The following EIF3M variants were observed in gnomAD, a reference collection of about 807,000 sequenced individuals.
EIF3M encodes eukaryotic translation initiation factor 3 subunit M.
EIF3M carries 25 observed loss-of-function variants against 49.7 expected under a neutral mutation model. The observed-to-expected ratio is 0.50, with a 90% CI of 0.37 to 0.70. The LOEUF (loss-of-function observed/expected upper bound fraction) is 0.70, where lower values mean the gene tolerates loss of function less well. Ranked by LOEUF, EIF3M falls within the 30% of genes least tolerant of loss-of-function variation. The pLI is 0.00. For missense variants in EIF3M, 350 were observed against 440.0 expected, an observed-to-expected ratio of 0.80 and a Z score of 1.83; for synonymous variants, 156 against 149.8, an observed-to-expected ratio of 1.04 and a Z score of -0.30.
intron 2 of EIF3M, 132 bp from the exon 3 acceptor site, chr11:32,588,462 G>T (rs1404187308): frequency 7.4e-6 from 6 of 812,268 alleles, no homozygotes; most frequent in African/African-American, 1.8e-5. Flanking sequence ...AAATATACAA[G>T]TTGCTTTCTG....
intron 1 of EIF3M, among the ~76,000 whole-genome samples, chr11:32,585,594 GA>G (rs1854983220): frequency 6.6e-6 from 1 of 152,190 alleles, no homozygotes; most frequent in South Asian, 2.1e-4. Flanking sequence ...ATAGTTCTTA[GA>G]AAAAGTTTGC....
chr11:32,589,534 C>A lies in EIF3M; in HGVS notation c.439-13C>A. ...GTGTTACTCAGTTTTCTCCTTTTGT[C>A]AATCTCTTGTAGGTTAGAAAATGGA... On this transcript the variant is annotated splice_polypyrimidine_tract_variant and intron_variant, in intron 4 of 10. Transcript: ENST00000531120. 6.2e-7 allele frequency: 1 copy of A among 1,608,986 alleles called. No individual in the cohort carries two copies. Among genetic ancestry groups the A allele is most frequent in the South Asian group, 1.1e-5 (1 of 90,946 alleles).
Position 32,603,044 on chromosome 11 carries a change from C to A in EIF3M, c.*645C>A, listed in dbSNP as rs1590534338. The A allele has an allele frequency of 6.5e-7, 1 of 1,541,308 alleles. No homozygotes were observed. On this transcript the variant is annotated 3_prime_UTR_variant, in exon 11 of 11. Coordinates refer to ENST00000531120, the MANE Select transcript of EIF3M (RefSeq NM_006360.6). ...ACCTGGGAAAGATAAACTAATTTTA[C>A]CTTCGAAATTATTATACAAAAGATT...
chr11:32,591,933 TA>T (rs1472748730), intron 5 of EIF3M: 2 of 273,186 alleles, frequency 7.3e-6, no homozygotes, highest in African/African-American at 4.6e-5. Context: ...ACCACCACCG[TA>T]ATTACCACTC....
chr11:32,592,542 T>C, intron 5 of EIF3M: 1 of 542,772 alleles, frequency 1.8e-6, no homozygotes, highest in Non-Finnish European at 3.6e-6. Flanking sequence ...CTCCTCAGCC[T>C]TGTGTGGTTG....
intron 7 of EIF3M, among the ~76,000 whole-genome samples, chr11:32,595,374 C>A (rs1466808416): frequency 6.6e-6 from 1 of 152,138 alleles, no homozygotes; most frequent in Non-Finnish European, 1.5e-5. Flanking sequence ...GGATTACAGG[C>A]ACATGCCATC....
At chr11:32,596,613 A>G (rs1285980407) in intron 8 of EIF3M, among the ~76,000 whole-genome samples, 4 of 151,560 alleles carry the variant, frequency 2.6e-5, no homozygotes, top group African/African-American at 4.8e-5. Flanking sequence ...AAAAAAAAAA[A>G]AAAAAAAGAA....
intron 2 of EIF3M, 136 bp from the exon 3 acceptor site, chr11:32,588,458 A>G (rs1297969586): frequency 2.1e-6 from 2 of 947,098 alleles, no homozygotes; most frequent in Non-Finnish European, 2.9e-6. Flanking sequence ...AATAAAATAT[A>G]CAAGTTGCTT....
At chr11:32,586,885 T>G in intron 1 of EIF3M, 127 bp from the exon 2 acceptor site, 5 of 1,265,452 alleles carry the variant, frequency 4.0e-6, no homozygotes, top group Middle Eastern at 2.5e-4. Context: ...GAGGGAGGGG[T>G]CTTCAACATT....
chr11:32,584,013 G>A (rs1590507348), intron 1 of EIF3M, 84 bp downstream of exon 1: 2 of 1,564,980 alleles, frequency 1.3e-6, no homozygotes, highest in Non-Finnish European at 1.7e-6. Flanking sequence ...CCTGGGCCGG[G>A]CGGCCGGGGC....
chr11:32,599,684 T>C (rs924323833), intron 8 of EIF3M, among the ~76,000 whole-genome samples: 5 of 151,978 alleles, frequency 3.3e-5, no homozygotes, highest in African/African-American at 9.7e-5. Flanking sequence ...AATTAATAAG[T>C]TAGCATCAAA....
rs1308022601 is a variant in EIF3M, at chr11:32,603,569, A to T, written c.*1170A>T. On this transcript the variant is annotated 3_prime_UTR_variant, in exon 11 of 11. Coordinates refer to ENST00000531120, the MANE Select transcript of EIF3M (RefSeq NM_006360.6). ...TTAGCCTATTTGATCATTCTATAGA[A>T]TTTTATGTATTTTCCTCTGTGAGCA... is the stretch of plus-strand genomic sequence containing the variant. The T allele has an allele frequency of 6.6e-6, 1 of 152,166 alleles. No individual in the cohort carries two copies. The highest frequency in any genetic ancestry group is 1.5e-5 in the Non-Finnish European group (1 of 68,068). 9.4% of individuals were successfully genotyped at this position (152,166 alleles called of 1,614,324 possible).
rs1049838117 is a variant in EIF3M at position 32,602,892 on chromosome 11, ATTTTCAC to A, written c.*498_*504del. 2.5e-6 allele frequency: 4 copies of A among 1,611,668 alleles called. No homozygotes were observed. The African/African-American group carries it at 5.4e-5, about 22-fold the overall frequency. ...GGTTGTCATTTTCTAAACTTAGTAA[ATTTTCAC>A]TTTTATTTAGTTGATTCGTAATGAG... is the stretch of plus-strand genomic sequence containing the variant. On this transcript the variant is annotated 3_prime_UTR_variant, in exon 11 of 11. Coordinates refer to ENST00000531120, the MANE Select transcript of EIF3M (RefSeq NM_006360.6).
rs1255085094 is a variant in EIF3M at position 32,602,889 on chromosome 11, T to C, written c.*490T>C. 6.2e-7 allele frequency: 1 copy of C among 1,611,950 alleles called. No homozygotes were observed. Among genetic ancestry groups the C allele is most frequent in the African/African-American group, 1.3e-5 (1 of 74,914 alleles). ...GCTGGTTGTCATTTTCTAAACTTAG[T>C]AAATTTTCACTTTTATTTAGTTGAT... On this transcript the variant is annotated 3_prime_UTR_variant, in exon 11 of 11. Transcript: ENST00000531120.
At chr11:32,587,328 T>C (rs1855016805) in intron 2 of EIF3M, among the ~76,000 whole-genome samples, 184 bp downstream of exon 2, 1 of 152,252 alleles carries the variant, frequency 6.6e-6, no homozygotes, top group Non-Finnish European at 1.5e-5. Context: ...AGGTAGTGGT[T>C]GTATGTATTT....
In EIF3M at chr11:32,594,980, A is replaced by C. The variant is rs1340930543; in HGVS notation, c.684A>C (p.Pro228=). The change falls in exon 7 of 11, where the codon CCA becomes CCC. Residue 228 remains proline, a synonymous_variant. Coordinates refer to ENST00000531120, the MANE Select transcript of EIF3M (RefSeq NM_006360.6). The part of the protein sequence containing the change: ...FLFDHLLTLK[P]VKFLEGELIH... ...TTGACCACCTTCTTACTTTAAAACC[A>C]GTCAAGTTTTTGGAAGGCGAGCTTA... 3 of 1,613,766 alleles carry C rather than the reference A, an allele frequency of 1.9e-6. No individual in the cohort carries two copies. Among genetic ancestry groups the C allele is most frequent in the Non-Finnish European group, 8.5e-7 (1 of 1,179,838 alleles).
intron 8 of EIF3M, 122 bp downstream of exon 8, chr11:32,596,169 C>A: frequency 1.4e-6 from 1 of 692,658 alleles, no homozygotes; most frequent in South Asian, 2.6e-5. Context: ...TAAAAGGAGT[C>A]GTGTATGATA....
Position 32,595,028 on chromosome 11 carries a change from CT to C in EIF3M, c.717+18del. The C allele has an allele frequency of 6.3e-7, 1 of 1,599,478 alleles. No individual in the cohort carries two copies. Among genetic ancestry groups the C allele is most frequent in the Non-Finnish European group, 8.5e-7 (1 of 1,174,172 alleles). On this transcript the variant is annotated intron_variant, in intron 7 of 10. Transcript: ENST00000531120. ...TTATTCATGATGTAAGTAGTTTATC[CT>C]TTAATGTGAAAAATGTTCTCCTTTC...
chr11:32,596,487 T>C (rs1193266292), intron 8 of EIF3M, among the ~76,000 whole-genome samples: 5 of 150,974 alleles, frequency 3.3e-5, no homozygotes, highest in African/African-American at 9.8e-5. Context: ...CCCAGCTACT[T>C]GAGAGGCTGA....
Sources: gnomAD v4.1 joint callset for allele counts (sites outside exome capture counted in the v4.1 genomes callset) on GRCh38, gnomAD v4.1.1 for gene constraint, MANE v1.5 for transcripts, NCBI Gene and HGNC (gene_info 2026-07-23, HGNC 2026-07-21) for gene names.